Variants in TSNARE1 observed in about 807,000 individuals in gnomAD.
TSNARE1 encodes the protein t-SNARE domain containing 1, also known as t-SNARE domain-containing protein 1.
A neutral mutation model predicts 62.0 loss-of-function variants in TSNARE1; 49 were observed. The observed-to-expected ratio is 0.79, with a 90% CI of 0.63 to 1.00. TSNARE1 has a LOEUF of 1.00. TSNARE1 is among the 50% of genes least tolerant of loss of function. TSNARE1 has a pLI of 0.00. For missense variants in TSNARE1, 755 were observed against 700.1 expected (o/e 1.08, Z -0.88); for synonymous variants, 328 against 294.4 (o/e 1.11, Z -1.17).
chr8:142,383,818 C>G (rs1307387596), intron 1 of TSNARE1, among the ~76,000 whole-genome samples: 2 of 152,052 alleles, frequency 1.3e-5, no homozygotes, highest in Non-Finnish European at 2.9e-5. Context: ...CTTAAAACAA[C>G]AAGGAGAATG....
chr8:142,273,267 T>C (rs1437268411), intron 12 of TSNARE1: 3 of 985,314 alleles, frequency 3.0e-6, no homozygotes, highest in African/African-American at 3.5e-5. Context: ...GACCAGGTGA[T>C]CCCAGGGTGC....
At chr8:142,300,748 A>T (rs932411122) in intron 9 of TSNARE1, 104 bp from the exon 10 acceptor site, 33 of 1,164,096 alleles carry the variant, frequency 2.8e-5, no homozygotes, top group Non-Finnish European at 3.5e-5. Flanking sequence ...CACTATCCCC[A>T]TCTGCTCTCT....
At chr8:142,274,048 G>A (rs1180442513) in intron 12 of TSNARE1, 8 of 985,130 alleles carry the variant, frequency 8.1e-6, no homozygotes, top group African/African-American at 1.7e-5. Flanking sequence ...CTTCTTCTGC[G>A]CTCCCACCGT....
chr8:142,279,489 G>A (rs185905017), intron 11 of TSNARE1, among the ~76,000 whole-genome samples: 86 of 152,296 alleles, frequency 5.6e-4, no homozygotes, highest in Admixed American at 1.5e-3. Flanking sequence ...CCACGGTAGC[G>A]CTCACCTCTC....
In TSNARE1 at chr8:142,284,468, C is replaced by G; in HGVS notation, c.1308G>C (p.Val436=). 6.2e-7 allele frequency: 1 copy of G among 1,613,740 alleles called. No homozygotes were observed. The highest frequency in any genetic ancestry group is 8.5e-7 in the Non-Finnish European group (1 of 1,179,942). Residue 436 remains valine (V), a synonymous_variant, in exon 11 of 14, where the codon GTG becomes GTC. Transcript: ENST00000524325. ...ILQMESNLLD[V]NQIIKDLASM... is the part of the protein sequence containing the mutation. Reference sequence around the variant, plus strand: ...AGGCCAAGTCCTTGATGATCTGATTCACATCCAGCAAGTTGCTCTGTGGAA... The same window carrying G: ...AGGCCAAGTCCTTGATGATCTGATTGACATCCAGCAAGTTGCTCTGTGGAA...
intron 2 of TSNARE1, among the ~76,000 whole-genome samples, chr8:142,353,303 T>G (rs1834341433): frequency 6.6e-6 from 1 of 151,956 alleles, no homozygotes; most frequent in Admixed American, 6.6e-5. Context: ...GGCACAGGAC[T>G]CACTTGTCTC....
At chr8:142,299,694 GCACA>G (rs775212287) in intron 10 of TSNARE1, among the ~76,000 whole-genome samples, 5 of 151,702 alleles carry the variant, frequency 3.3e-5, no homozygotes, top group Non-Finnish European at 2.9e-5. Context: ...TCACACGCAT[GCACA>G]CACACGCACT....
intron 1 of TSNARE1, among the ~76,000 whole-genome samples, chr8:142,401,293 G>C (rs1838272248): frequency 6.6e-6 from 1 of 152,116 alleles, no homozygotes; most frequent in Non-Finnish European, 1.5e-5. Flanking sequence ...ACACAGCAGA[G>C]GTCTATGCCA....
chr8:142,266,516 C>T (rs4269661), intron 12 of TSNARE1, among the ~76,000 whole-genome samples: 84,115 of 152,128 alleles, frequency 0.55, 25,318 homozygotes, highest in African/African-American at 0.8. Context: ...AAGTTGACAG[C>T]GACTTTCTCT....
chr8:142,227,053 G>A (rs28735405), intron 13 of TSNARE1, among the ~76,000 whole-genome samples: 24,385 of 70,446 alleles, frequency 0.35, 3,128 homozygotes, highest in Non-Finnish European at 0.41. Flanking sequence ...GTGACAGCCA[G>A]GCCCCCCACT....
intron 9 of TSNARE1, among the ~76,000 whole-genome samples, chr8:142,313,570 C>T (rs1327801037): frequency 4.6e-5 from 7 of 151,144 alleles, no homozygotes; most frequent in Non-Finnish European, 1.5e-5. Flanking sequence ...TGTGTCTGCG[C>T]ATCTGTGTTT....
rs78142979 is a variant in TSNARE1, at chr8:142,351,847, G to C, written c.88+2790C>G. Among the ~76,000 whole-genome samples, 957 of 152,298 alleles carry C rather than the reference G, an allele frequency of 6.3e-3. 12 individuals carry two copies. Among genetic ancestry groups the C allele is most frequent in the African/African-American group, 0.022 (919 of 41,550 alleles). ...GGCAATTCAACAGTCCACACAATTT[G>C]TTCTTCAAACAGAGAAAAACAACAT... On this transcript the variant is annotated intron_variant, in intron 2 of 13. Transcript: ENST00000524325.
At chr8:142,390,263 G>C (rs1341062569) in intron 1 of TSNARE1, among the ~76,000 whole-genome samples, 1 of 149,900 alleles carries the variant, frequency 6.7e-6, no homozygotes, top group Non-Finnish European at 1.5e-5. Flanking sequence ...GTACACTGCT[G>C]GGGACTCCGT....
intron 10 of TSNARE1, among the ~76,000 whole-genome samples, chr8:142,286,804 A>C (rs1563832798): frequency 6.6e-6 from 1 of 151,882 alleles, no homozygotes; most frequent in African/African-American, 2.4e-5. Flanking sequence ...CTCACCACCA[A>C]CTTCGACCCT....
At chr8:142,355,397 C>G (rs987805062) in intron 1 of TSNARE1, among the ~76,000 whole-genome samples, 5 of 152,186 alleles carry the variant, frequency 3.3e-5, no homozygotes, top group Admixed American at 2.0e-4. Context: ...TTGTGAGATG[C>G]AATCAGACAC....
intron 11 of TSNARE1, among the ~76,000 whole-genome samples, chr8:142,282,549 GGCGGGACCAGTGTCTGTCA>G (rs1821741219): frequency 1.3e-5 from 2 of 151,422 alleles, no homozygotes; most frequent in Non-Finnish European, 1.5e-5. Context: ...AATGAGCAGA[GGCGGGACCAGTGTCTGTCA>G]ATGAGCGGAG....
chr8:142,241,873 A>G (rs549993466), intron 12 of TSNARE1, among the ~76,000 whole-genome samples: 37 of 151,592 alleles, frequency 2.4e-4, no homozygotes, highest in African/African-American at 8.9e-4. Context: ...TGGAAGACCG[A>G]CATGTGAGAC....
chr8:142,396,533 T>C (rs940947194), intron 1 of TSNARE1, among the ~76,000 whole-genome samples: 1 of 152,240 alleles, frequency 6.6e-6, no homozygotes, highest in Non-Finnish European at 1.5e-5. Context: ...ATTAGTGCAG[T>C]AATTGCCATT....
At chr8:142,227,698 TG>T (rs559676519) in intron 13 of TSNARE1, among the ~76,000 whole-genome samples, 15 of 152,260 alleles carry the variant, frequency 9.9e-5, no homozygotes, top group Non-Finnish European at 2.1e-4. Flanking sequence ...ACGAGCTGAC[TG>T]GGGAGACCCC....
Sources: gnomAD v4.1 joint callset for allele counts (sites outside exome capture counted in the v4.1 genomes callset) on GRCh38, gnomAD v4.1.1 for gene constraint, MANE v1.5 for transcripts, NCBI Gene and HGNC (gene_info 2026-07-23, HGNC 2026-07-21) for gene names.